Variants in DIP2A observed in about 807,000 individuals in gnomAD.
DIP2A encodes the protein disco-interacting protein 2 homolog A.
Under a neutral mutation model 177.4 loss-of-function variants are expected in DIP2A, and 85 were observed. The observed-to-expected ratio is 0.48, with a 90% CI of 0.40 to 0.57. The LOEUF (loss-of-function observed/expected upper bound fraction) is 0.57, where lower values mean the gene tolerates loss of function less well. Ranked by LOEUF, DIP2A falls within the 20% of genes least tolerant of loss-of-function variation. The probability of loss-of-function intolerance (pLI) is 0.00; values close to 1 mark genes in which losing one functional copy is unlikely to be tolerated. For missense variants in DIP2A, 1,791 were observed against 2,100.2 expected (o/e 0.85, Z 2.88); for synonymous variants, 886 against 881.8 (o/e 1.00, Z -0.08).
chr21:46,573,888 T>G (rs1569132206), downstream of DIP2A, among the ~76,000 whole-genome samples: 3 of 151,606 alleles, frequency 2.0e-5, no homozygotes, highest in Non-Finnish European at 4.4e-5. Flanking sequence ...AAAGGAGAAA[T>G]AGACAGTTCT....
rs1219835961 is a variant in DIP2A at position 46,532,899 on chromosome 21, AGTT to A, written c.1306-621_1306-619del. Among the ~76,000 whole-genome samples, 7 of 152,362 alleles carry A rather than the reference AGTT, an allele frequency of 4.6e-5. No homozygotes were observed. The East Asian group carries it at 1.3e-3, about 29-fold the overall frequency. Reference sequence around the variant, plus strand: ...TGTCATCCTGTCCCAGAATTCAGGCAGTTGTTAACAGGAGCATTATCCAGAAAT... The same window carrying A: ...TGTCATCCTGTCCCAGAATTCAGGCAGTTAACAGGAGCATTATCCAGAAAT... On this transcript the variant is annotated intron_variant, in intron 10 of 37. Coordinates refer to ENST00000417564, the MANE Select transcript of DIP2A (RefSeq NM_015151.4).
intron 1 of DIP2A, among the ~76,000 whole-genome samples, chr21:46,481,493 C>T (rs537915308): frequency 3.9e-5 from 6 of 152,254 alleles, no homozygotes; most frequent in African/African-American, 9.6e-5. Context: ...ATTGCTGGGT[C>T]GTCTGGTGAG....
At chr21:46,488,569 G>T (rs186756034) in intron 2 of DIP2A, among the ~76,000 whole-genome samples, 62 of 152,278 alleles carry the variant, frequency 4.1e-4, no homozygotes, top group Non-Finnish European at 4.4e-5. Context: ...AGGAAATGTG[G>T]ATGGGCAATA....
chr21:46,512,821 C>CA (rs945248890), intron 8 of DIP2A, among the ~76,000 whole-genome samples: 1 of 51,652 alleles, frequency 1.9e-5, no homozygotes, highest in Non-Finnish European at 3.8e-5. Context: ...ACAAACAAAA[C>CA]AAAAAAAACT....
rs150593544 is a variant in DIP2A at position 46,564,408 on chromosome 21, G to A, written c.4164+476G>A. ...GTCCTGAGGACACAGTGGAGGGTGC[G>A]GGTCTCCCTGAGAACACAGAGGCTA... On this transcript the variant is annotated intron_variant, in intron 35 of 37. Coordinates refer to ENST00000417564, the MANE Select transcript of DIP2A (RefSeq NM_015151.4). Among the ~76,000 whole-genome samples the A allele has an allele frequency of 2.1e-3, 321 of 152,286 alleles. 1 individual carries two copies. Among genetic ancestry groups the A allele is most frequent in the African/African-American group, 7.1e-3 (294 of 41,546 alleles).
At chr21:46,517,428 G>T (rs1376199392) in intron 8 of DIP2A, among the ~76,000 whole-genome samples, 1 of 151,982 alleles carries the variant, frequency 6.6e-6, no homozygotes, top group Non-Finnish European at 1.5e-5. Context: ...GGCAGGTCCA[G>T]ACAATGCCAT....
chr21:46,505,968 A>C (rs2057958760), intron 6 of DIP2A, among the ~76,000 whole-genome samples: 1 of 152,148 alleles, frequency 6.6e-6, no homozygotes, highest in Non-Finnish European at 1.5e-5. Flanking sequence ...TCACCTGTTG[A>C]TGTGTATTTA....
Position 46,551,903 on chromosome 21 carries a change from A to C in DIP2A, c.3029A>C (p.Lys1010Thr). The stretch of plus-strand genomic sequence containing the variant: ...CCGCTGTTCTTGCTGCTGAACGCCA[A>C]GGTGAGGCAGTGTCACGCCCACGGG... ...DHPLFLLLNA[K>T]GTVTSTATCV... is the part of the protein sequence containing the mutation. Residue 1010 changes from lysine to threonine, a missense_variant and splice_region_variant, in exon 25 of 38, where the codon AAG (lysine) becomes ACG (threonine). Transcript: ENST00000417564. 6.2e-7 allele frequency: 1 copy of C among 1,601,114 alleles called. No individual in the cohort carries two copies. Among genetic ancestry groups the C allele is most frequent in the Non-Finnish European group, 8.5e-7 (1 of 1,174,814 alleles).
chr21:46,490,759 C>G, intron 3 of DIP2A, 40 bp downstream of exon 3: 2 of 1,524,772 alleles, frequency 1.3e-6, no homozygotes, highest in Non-Finnish European at 1.8e-6. Flanking sequence ...GTGGACGGGC[C>G]TGGAGCCCTT....
chr21:46,509,171 G>A (rs2058181925), intron 6 of DIP2A, 86 bp from the exon 7 acceptor site: 16 of 1,396,246 alleles, frequency 1.1e-5, no homozygotes, highest in African/African-American at 2.9e-5. Context: ...CTGATGCATC[G>A]TGTGGTTTGT....
chr21:46,494,717 T>C (rs1471244566), intron 3 of DIP2A, among the ~76,000 whole-genome samples: 2 of 152,236 alleles, frequency 1.3e-5, no homozygotes, highest in African/African-American at 4.8e-5. Flanking sequence ...CTCTTTTCCT[T>C]TTTCTTCTTT....
chr21:46,549,508 T>C (rs2148861184), intron 21 of DIP2A, among the ~76,000 whole-genome samples: 1 of 152,326 alleles, frequency 6.6e-6, no homozygotes, highest in East Asian at 1.9e-4. Context: ...ATTAAGGAAT[T>C]TTTTCTTGTA....
intron 19 of DIP2A, 88 bp from the exon 20 acceptor site, chr21:46,545,793 G>T: frequency 6.8e-7 from 1 of 1,481,082 alleles, no homozygotes; most frequent in Non-Finnish European, 9.3e-7. Context: ...CGCACACGTG[G>T]TGCTGAGCCT....
chr21:46,555,017 C>A, intron 28 of DIP2A, 84 bp downstream of exon 28: 1 of 1,388,624 alleles, frequency 7.2e-7, no homozygotes, highest in South Asian at 1.3e-5. Context: ...CGTCCAAAAA[C>A]ACACGTGAGG....
chr21:46,545,716 T>C (rs1391769991), intron 19 of DIP2A, among the ~76,000 whole-genome samples, 165 bp from the exon 20 acceptor site: 1 of 152,152 alleles, frequency 6.6e-6, no homozygotes, highest in Admixed American at 6.5e-5. Flanking sequence ...CCCAGGAGAT[T>C]GAGCAGCCAG....
chr21:46,519,404 T>G (rs988840839), intron 8 of DIP2A, among the ~76,000 whole-genome samples: 2 of 152,178 alleles, frequency 1.3e-5, no homozygotes, highest in African/African-American at 4.8e-5. Flanking sequence ...TTGCTCTGGT[T>G]TAAACGCCTC....
At chr21:46,505,443 C>A (rs955459765) in intron 6 of DIP2A, among the ~76,000 whole-genome samples, 2 of 152,040 alleles carry the variant, frequency 1.3e-5, no homozygotes, top group African/African-American at 2.4e-5. Context: ...CCCATCTCTA[C>A]TAAAAATACA....
At chr21:46,491,227 A>G (rs1290673864) in intron 3 of DIP2A, among the ~76,000 whole-genome samples, 1 of 152,140 alleles carries the variant, frequency 6.6e-6, no homozygotes, top group African/African-American at 2.4e-5. Flanking sequence ...CATTGAAAAA[A>G]ATTCACATTT....
At chr21:46,459,815 C>T (rs1025363212) in intron 1 of DIP2A, among the ~76,000 whole-genome samples, 1 of 152,156 alleles carries the variant, frequency 6.6e-6, no homozygotes, top group African/African-American at 2.4e-5. Flanking sequence ...CTATCCCCAG[C>T]TGCTCCCCCA....
Sources: gnomAD v4.1 joint callset for allele counts (sites outside exome capture counted in the v4.1 genomes callset) on GRCh38, gnomAD v4.1.1 for gene constraint, MANE v1.5 for transcripts, NCBI Gene and HGNC (gene_info 2026-07-23, HGNC 2026-07-21) for gene names.